The following ABL2 variants were observed in gnomAD, a reference collection of about 807,000 sequenced individuals.
ABL2 encodes the protein tyrosine-protein kinase ABL2.
In ABL2, 49 loss-of-function variants were observed where a neutral mutation model predicts 107.7. The ratio of observed to expected loss-of-function variants is 0.45; its 90% CI spans 0.36 to 0.58. ABL2 has a LOEUF of 0.58. ABL2 is among the 20% of genes least tolerant of loss of function. The pLI is 0.00. For missense variants in ABL2, 1,245 were observed against 1,457.0 expected (o/e 0.85, Z 2.37); for synonymous variants, 549 against 548.6 (o/e 1.00, Z -0.01).
In ABL2 at chr1:179,174,056, G is replaced by A. The variant is rs544908052; in HGVS notation, c.158-40682C>T. Among the ~76,000 whole-genome samples the A allele has an allele frequency of 2.0e-4, 30 of 151,978 alleles. No individual in the cohort carries two copies. The South Asian group carries it at 4.8e-3, about 24-fold the overall frequency. On this transcript the variant is annotated intron_variant, in intron 1 of 11. Coordinates refer to ENST00000502732, the MANE Select transcript of ABL2 (RefSeq NM_007314.4). ...TTTAATCCCAGCATTTTGGGAGGCC[G>A]AGGTGGGCGGATCACAAGGTCAGGA...
chr1:179,166,992 G>A (rs1659426105), intron 1 of ABL2, among the ~76,000 whole-genome samples: 1 of 151,974 alleles, frequency 6.6e-6, no homozygotes. Flanking sequence ...AAAACAGTTG[G>A]AGATTTCTCA....
intron 4 of ABL2, among the ~76,000 whole-genome samples, chr1:179,122,201 A>ACC (rs755900132): frequency 6.8e-6 from 1 of 147,074 alleles, no homozygotes; most frequent in Non-Finnish European, 1.5e-5. Flanking sequence ...AGCATGAGCC[A>ACC]CCGCTCCCGG....
chr1:179,133,976 G>C (rs1233337412), intron 1 of ABL2, among the ~76,000 whole-genome samples: 1 of 152,082 alleles, frequency 6.6e-6, no homozygotes. Flanking sequence ...CTGGATAATG[G>C]GGGCTACTGC....
intron 1 of ABL2, among the ~76,000 whole-genome samples, chr1:179,154,972 T>C (rs185357759): frequency 6.6e-6 from 1 of 152,322 alleles, no homozygotes. Flanking sequence ...TATAACATCA[T>C]TACCTACAGC....
Position 179,109,162 on chromosome 1 carries a change from G to C in ABL2, c.2105C>G (p.Ser702Cys). Reference protein sequence around the residue: ...VASLQHADGFSFTPAQQEANL... With the variant: ...VASLQHADGFCFTPAQQEANL... Reference sequence around the variant, plus strand: ...CGCCTCTTGCTGGGCAGGAGTGAAAGAGAACCCATCAGCATGCTGTAGAGA... The same window carrying C: ...CGCCTCTTGCTGGGCAGGAGTGAAACAGAACCCATCAGCATGCTGTAGAGA... The change falls in exon 12 of 12, where the codon TCT becomes TGT. Residue 702 changes from serine to cysteine, a missense_variant. Transcript: ENST00000502732. The C allele has an allele frequency of 1.2e-6, 2 of 1,613,490 alleles. No homozygotes were observed. The highest frequency in any genetic ancestry group is 2.2e-5 in the South Asian group (2 of 91,048).
At position 179,207,540 on chromosome 1, in the gene ABL2, A is replaced by G. The variant is rs556615254; in HGVS notation, c.157+21701T>C. 7.2e-5 allele frequency among the ~76,000 whole-genome samples: 11 copies of G among 152,356 alleles called. No individual in the cohort carries two copies. The South Asian group carries it at 1.2e-3, about 17-fold the overall frequency. Reference sequence around the variant, plus strand: ...GTTAAAAAATAATGTTTAAAAAACAATAACAGCTATAACTTTTTGAGTACT... The same window carrying G: ...GTTAAAAAATAATGTTTAAAAAACAGTAACAGCTATAACTTTTTGAGTACT... On this transcript the variant is annotated intron_variant, in intron 1 of 11. Coordinates refer to ENST00000502732, the MANE Select transcript of ABL2 (RefSeq NM_007314.4).
intron 1 of ABL2, among the ~76,000 whole-genome samples, chr1:179,135,300 G>A (rs1355343483): frequency 2.0e-5 from 3 of 146,802 alleles, no homozygotes; most frequent in South Asian, 2.1e-4. Context: ...GCCTCTTCCC[G>A]GCCGCCATCA....
chr1:179,111,133 G>A (rs620474), intron 10 of ABL2, among the ~76,000 whole-genome samples: 6 of 151,342 alleles, frequency 4.0e-5, no homozygotes, highest in African/African-American at 1.2e-4. Flanking sequence ...ACAGGAGCCC[G>A]CCACCACACC....
chr1:179,117,709 G>C (rs1473469191), intron 7 of ABL2, among the ~76,000 whole-genome samples, 193 bp from the exon 8 acceptor site: 1 of 152,188 alleles, frequency 6.6e-6, no homozygotes, highest in East Asian at 1.9e-4. Context: ...TCAAGATGCG[G>C]AATAAAGCAG....
chr1:179,144,234 T>G (rs2258221), intron 1 of ABL2, among the ~76,000 whole-genome samples: 53,135 of 151,496 alleles, frequency 0.35, 9,680 homozygotes, highest in East Asian at 0.49. Context: ...GAGGTGGGTG[T>G]ATCACAAGGT....
chr1:179,101,716 G>A lies in ABL2; in HGVS notation c.*6002C>T. 1 of 183,650 alleles carries A rather than the reference G, an allele frequency of 5.4e-6. No homozygotes were observed. The allele number at this position is 183,650 out of a possible 1,614,324, so 11.4% of individuals were successfully genotyped here. On this transcript the variant is annotated 3_prime_UTR_variant, in exon 12 of 12. Coordinates refer to ENST00000502732, the MANE Select transcript of ABL2 (RefSeq NM_007314.4). ...TACTCAAGATAGAATACATACCTCA[G>A]AGAGGTGGCATGAAAAGCAGAAATT...
At chr1:179,214,266 C>T (rs1662440040) in intron 1 of ABL2, among the ~76,000 whole-genome samples, 1 of 151,912 alleles carries the variant, frequency 6.6e-6, no homozygotes, top group South Asian at 2.1e-4. Flanking sequence ...CACAATAATG[C>T]AACATCAATT....
At chr1:179,137,702 ATTAAATT>A (rs1657164592) in intron 1 of ABL2, 3 of 152,230 alleles carry the variant, frequency 2.0e-5, no homozygotes, top group South Asian at 4.1e-4. Flanking sequence ...AACTCAGTAT[ATTAAATT>A]TTAAAGTTTA....
At chr1:179,163,965 T>C (rs889819481) in intron 1 of ABL2, among the ~76,000 whole-genome samples, 7 of 152,158 alleles carry the variant, frequency 4.6e-5, no homozygotes, top group East Asian at 1.9e-4. Context: ...TCTCATACTA[T>C]ATGATTCTAG....
Position 179,229,358 on chromosome 1 carries a change from GC to G in ABL2, c.39del (p.Leu14SerfsTer76). On this transcript the variant is annotated frameshift_variant, in exon 1 of 12. Transcript: ENST00000502732. LOFTEE classifies it high-confidence loss of function. The stretch of plus-strand genomic sequence containing the variant: ...ATCCCGCGGGGCTGAGGCTGCTGGA[GC>G]CCCGGAGCTTCCCCGACGCGGCCCA... ...QQVGRVGEAP[G>X]LQQPQPRGIR... 1 of 1,576,858 alleles carries G rather than the reference GC, an allele frequency of 6.3e-7. No individual in the cohort carries two copies. The highest frequency in any genetic ancestry group is 8.6e-7 in the Non-Finnish European group (1 of 1,166,062).
intron 1 of ABL2, among the ~76,000 whole-genome samples, chr1:179,148,253 T>C (rs1658139932): frequency 6.6e-6 from 1 of 152,052 alleles, no homozygotes; most frequent in Non-Finnish European, 1.5e-5. Context: ...TTGCCCAGGC[T>C]GCTCTCAAAC....
intron 1 of ABL2, among the ~76,000 whole-genome samples, chr1:179,226,311 T>A (rs903672999): frequency 1.0e-5 from 1 of 96,348 alleles, no homozygotes; most frequent in East Asian, 2.3e-4. Flanking sequence ...TTATCCCTAC[T>A]TTTTTTTTTT....
rs764333675 is a variant in ABL2 at position 179,100,156 on chromosome 1, T to C, written c.*7562A>G. 13 of 230,172 alleles carry C rather than the reference T, an allele frequency of 5.6e-5. No homozygotes were observed. The highest frequency in any genetic ancestry group is 1.1e-4 in the Non-Finnish European group (13 of 116,212). The allele number at this position is 230,172 out of a possible 1,614,324, so 14.3% of individuals were successfully genotyped here. Reference sequence around the variant, plus strand: ...TCTGAATACTGATTGACAATTGGCCTAATCATGGTGATTTCTCAAGATCTC... The same window carrying C: ...TCTGAATACTGATTGACAATTGGCCCAATCATGGTGATTTCTCAAGATCTC... On this transcript the variant is annotated 3_prime_UTR_variant, in exon 12 of 12. Transcript: ENST00000502732.
chr1:179,224,463 T>C (rs565487419), intron 1 of ABL2, among the ~76,000 whole-genome samples: 1 of 152,040 alleles, frequency 6.6e-6, no homozygotes, highest in Non-Finnish European at 1.5e-5. Flanking sequence ...GAGACAGGGT[T>C]TCACCATGTT....
Sources: gnomAD v4.1 joint callset for allele counts (sites outside exome capture counted in the v4.1 genomes callset) on GRCh38, gnomAD v4.1.1 for gene constraint, MANE v1.5 for transcripts, NCBI Gene and HGNC (gene_info 2026-07-23, HGNC 2026-07-21) for gene names.